Variants in TARS1 observed in about 807,000 individuals in gnomAD.
TARS1 encodes the protein threonine--tRNA ligase 1, cytoplasmic.
A neutral mutation model predicts 97.7 loss-of-function variants in TARS1; 57 were observed. The observed-to-expected ratio is 0.58, with a 90% CI of 0.47 to 0.73. The LOEUF (loss-of-function observed/expected upper bound fraction) is 0.73, where lower values mean the gene tolerates loss of function less well. Among genes scored for constraint, TARS1 ranks in the 30% least tolerant of loss-of-function variants. TARS1 has a pLI of 0.00. For synonymous variants in TARS1, 312 were observed against 293.7 expected (o/e 1.06, Z -0.64); for missense variants, 806 against 888.3 (o/e 0.91, Z 1.18).
chr5:33,458,536 TAA>T, intron 9 of TARS1, 28 bp from the exon 10 acceptor site: 1 of 1,589,242 alleles, frequency 6.3e-7, no homozygotes, highest in Non-Finnish European at 8.6e-7. Flanking sequence ...GTGACGTACA[TAA>T]ACATTCTTTT....
chr5:33,446,997 T>C (rs1025706076), intron 2 of TARS1, among the ~76,000 whole-genome samples: 1 of 152,028 alleles, frequency 6.6e-6, no homozygotes, highest in African/African-American at 2.4e-5. Context: ...TACAAAGATA[T>C]TAGGGCCTGA....
intron 9 of TARS1, among the ~76,000 whole-genome samples, chr5:33,458,042 C>G (rs1742112418): frequency 1.3e-5 from 2 of 152,134 alleles, no homozygotes; most frequent in African/African-American, 4.8e-5. Context: ...TCCCTGAGGG[C>G]TTTTGGGCAC....
intron 4 of TARS1, among the ~76,000 whole-genome samples, chr5:33,454,578 G>C (rs1672431105): frequency 6.6e-6 from 1 of 152,216 alleles, no homozygotes; most frequent in Non-Finnish European, 1.5e-5. Context: ...GAGACATGGT[G>C]CTGTGGGCAC....
intron 17 of TARS1, 59 bp downstream of exon 17, chr5:33,463,884 C>A: frequency 1.4e-6 from 2 of 1,417,124 alleles, no homozygotes; most frequent in Non-Finnish European, 2.0e-6. Flanking sequence ...CTTTTCAAAT[C>A]ACATAAGCCC....
chr5:33,453,150 A>C (rs1741827548), intron 3 of TARS1, 139 bp from the exon 4 acceptor site: 1 of 1,125,866 alleles, frequency 8.9e-7, no homozygotes, highest in South Asian at 2.8e-5. Flanking sequence ...TGTTTTTATC[A>C]TTATATTTCA....
chr5:33,441,373 A>G (rs1741088260), intron 1 of TARS1: 2 of 557,234 alleles, frequency 3.6e-6, no homozygotes, highest in East Asian at 3.0e-5. Flanking sequence ...CTCTTTACAG[A>G]TGAGGAAACA....
At chr5:33,456,862 G>C (rs1035668649) in intron 8 of TARS1, among the ~76,000 whole-genome samples, 9 of 152,256 alleles carry the variant, frequency 5.9e-5, no homozygotes, top group African/African-American at 1.7e-4. Context: ...TGAGGTTGCA[G>C]TGAATGGAGA....
intron 10 of TARS1, among the ~76,000 whole-genome samples, chr5:33,459,395 T>C (rs997595447): frequency 6.6e-6 from 1 of 152,252 alleles, no homozygotes; most frequent in African/African-American, 2.4e-5. Flanking sequence ...TTATTTTCAC[T>C]TGCTACATAT....
At chr5:33,461,541 T>G in intron 13 of TARS1, 126 bp from the exon 14 acceptor site, 1 of 1,077,136 alleles carries the variant, frequency 9.3e-7, no homozygotes, top group Non-Finnish European at 1.3e-6. Flanking sequence ...TATGTTCAGG[T>G]GGACAAAATT....
Position 33,467,884 on chromosome 5 carries a change from A to G in TARS1, c.*176A>G, listed in dbSNP as rs1463251212. 5.3e-6 allele frequency: 3 copies of G among 561,470 alleles called. No individual in the cohort carries two copies. The highest frequency in any genetic ancestry group is 6.4e-5 in the East Asian group (2 of 31,330). The allele number at this position is 561,470 out of a possible 1,614,324, so 34.8% of individuals were successfully genotyped here. On this transcript the variant is annotated 3_prime_UTR_variant, in exon 19 of 19. Coordinates refer to ENST00000265112, the MANE Select transcript of TARS1 (RefSeq NM_152295.5). ...CCTAGTCAGTTTTTAAACAATGTGCATTTGAAGGAGTTAATTAAAAGAGAG... is the reference window on the plus strand; with the variant it reads ...CCTAGTCAGTTTTTAAACAATGTGCGTTTGAAGGAGTTAATTAAAAGAGAG...
chr5:33,461,758 T>A lies in TARS1; in HGVS notation c.1629+14T>A. On this transcript the variant is annotated intron_variant, in intron 14 of 18. Coordinates refer to ENST00000265112, the MANE Select transcript of TARS1 (RefSeq NM_152295.5). ...TATGGCCCAAAGGTGAGCACTAAAG[T>A]ACATTTGGGTAATATGATTTTCACT... The A allele has an allele frequency of 6.2e-7, 1 of 1,609,162 alleles. No homozygotes were observed. Among genetic ancestry groups the A allele is most frequent in the Non-Finnish European group, 8.5e-7 (1 of 1,177,090 alleles).
At chr5:33,441,391 A>G in intron 1 of TARS1, 1 of 521,618 alleles carries the variant, frequency 1.9e-6, no homozygotes, top group East Asian at 3.2e-5. Flanking sequence ...ACAGACCTTG[A>G]GTGAGCGACT....
rs149737496 is a variant in TARS1, at chr5:33,441,022, C to G, written c.-65C>G. On this transcript the variant is annotated 5_prime_UTR_variant, in exon 1 of 19. Coordinates refer to ENST00000265112, the MANE Select transcript of TARS1 (RefSeq NM_152295.5). Reference sequence around the variant, plus strand: ...CCCGGGCGCTAGCCCACCTCCCACCCGCCTCTTGGCTCCTCTCCTCTAGGC... The same window carrying G: ...CCCGGGCGCTAGCCCACCTCCCACCGGCCTCTTGGCTCCTCTCCTCTAGGC... 18 of 1,606,740 alleles carry G rather than the reference C, an allele frequency of 1.1e-5. No homozygotes were observed. Among genetic ancestry groups the G allele is most frequent in the Non-Finnish European group, 1.4e-5 (17 of 1,174,416 alleles).
At chr5:33,455,835 AT>A in intron 6 of TARS1, 131 bp downstream of exon 6, 4 of 996,758 alleles carry the variant, frequency 4.0e-6, no homozygotes, top group Non-Finnish European at 4.4e-6. Flanking sequence ...AAGTGTTTTT[AT>A]TATTTTTTTA....
chr5:33,453,196 T>C (rs1481207406), intron 3 of TARS1, 93 bp from the exon 4 acceptor site: 1 of 1,308,196 alleles, frequency 7.6e-7, no homozygotes, highest in African/African-American at 1.5e-5. Flanking sequence ...AAAAACAATA[T>C]ATAATAAAAA....
chr5:33,464,633 A>C (rs1193286418), intron 17 of TARS1, among the ~76,000 whole-genome samples: 1 of 152,198 alleles, frequency 6.6e-6, no homozygotes, highest in African/African-American at 2.4e-5. Flanking sequence ...GAAATAAATG[A>C]ACTTGAGCAT....
At position 33,466,990 on chromosome 5, in the gene TARS1, G is replaced by A. The variant is rs371364113; in HGVS notation, c.2023+5G>A. 184 of 1,532,382 alleles carry A rather than the reference G, an allele frequency of 1.2e-4. No homozygotes were observed. The highest frequency in any genetic ancestry group is 2.5e-5 in the Non-Finnish European group (29 of 1,138,802). 94.9% of individuals were successfully genotyped at this position (1,532,382 alleles called of 1,614,324 possible). On this transcript the variant is annotated splice_donor_5th_base_variant and intron_variant, in intron 18 of 18. Coordinates refer to ENST00000265112, the MANE Select transcript of TARS1 (RefSeq NM_152295.5). Reference sequence around the variant, plus strand: ...CACAGTATAACTTCATTTTAGGTAAGAATGGAAACTTACCAAAGAAAATTT... The same window carrying A: ...CACAGTATAACTTCATTTTAGGTAAAAATGGAAACTTACCAAAGAAAATTT...
chr5:33,461,059 G>C lies in TARS1; in HGVS notation c.1408G>C (p.Glu470Gln), dbSNP rs770171979. The C allele has an allele frequency of 1.2e-6, 2 of 1,614,060 alleles. No individual in the cohort carries two copies. The highest frequency in any genetic ancestry group is 1.7e-5 in the Admixed American group (1 of 60,002). ...QDDAHIFCAM[E>Q]QIEDEIKGCL... ...TGATGCTCACATATTCTGTGCCATG[G>C]AGCAGGTATGAGACCCTGGGAATAA... is the stretch of plus-strand genomic sequence containing the variant. Residue 470 changes from glutamate (E) to glutamine (Q), a missense_variant, in exon 12 of 19, where the codon GAG (glutamate) becomes CAG (glutamine). By Grantham distance (29) the Glu-to-Gln change is conservative. Transcript: ENST00000265112.
Position 33,461,315 on chromosome 5 carries a change from G to A in TARS1, c.1551+20G>A, listed in dbSNP as rs369552820. 143 of 1,606,108 alleles carry A rather than the reference G, an allele frequency of 8.9e-5. No individual in the cohort carries two copies. The Middle Eastern group carries it at 1.2e-3, about 14-fold the overall frequency. On this transcript the variant is annotated intron_variant, in intron 13 of 18. Transcript: ENST00000265112. ...GAGAAAGTAAGTGGTGTTTTTCAGC[G>A]TGCTTTTGAATACTGTTTGAAATTG...
Sources: gnomAD v4.1 joint callset for allele counts (sites outside exome capture counted in the v4.1 genomes callset) on GRCh38, gnomAD v4.1.1 for gene constraint, MANE v1.5 for transcripts, NCBI Gene and HGNC (gene_info 2026-07-23, HGNC 2026-07-21) for gene names.